PRORP: variants seen among roughly 807,000 people sequenced by gnomAD.
PRORP encodes protein only RNase P catalytic subunit, also known as mitochondrial ribonuclease P catalytic subunit.
PRORP carries 51 observed loss-of-function variants against 59.4 expected under a neutral mutation model. The observed-to-expected ratio is 0.86, with a 90% CI of 0.69 to 1.08. The LOEUF is 1.08. PRORP is among the 50% of genes least tolerant of loss of function. The pLI, the probability that PRORP is intolerant of heterozygous loss-of-function variation, is 0.00. For missense variants in PRORP, 646 were observed against 690.3 expected (o/e 0.94, Z 0.72); for synonymous variants, 231 against 245.6 (o/e 0.94, Z 0.55).
chr14:35,249,093 A>G (rs1000631697), intron 5 of PRORP, among the ~76,000 whole-genome samples: 2 of 152,190 alleles, frequency 1.3e-5, no homozygotes, highest in African/African-American at 4.8e-5. Context: ...GTCTGTGGGA[A>G]ATAATTGTCA....
At chr14:35,146,422 T>C (rs77172992) in intron 4 of PRORP, among the ~76,000 whole-genome samples, 2,195 of 151,930 alleles carry the variant, frequency 0.014, 66 homozygotes, top group African/African-American at 0.051. Context: ...TAAGAACTTA[T>C]CTAATTTAGG....
intron 5 of PRORP, among the ~76,000 whole-genome samples, chr14:35,221,551 C>T (rs75424313): frequency 0.01 from 1,541 of 152,134 alleles, 28 homozygotes; most frequent in African/African-American, 0.035. Context: ...GTGCCAAAAA[C>T]GAGTGCCTTA....
chr14:35,205,616 C>G (rs2049273273), intron 5 of PRORP, among the ~76,000 whole-genome samples: 1 of 147,058 alleles, frequency 6.8e-6, no homozygotes, highest in South Asian at 2.1e-4. Flanking sequence ...CCCACCATAC[C>G]CAGTGATATC....
chr14:35,122,068 C>A, upstream of PRORP: 1 of 1,159,166 alleles, frequency 8.6e-7, no homozygotes, highest in East Asian at 2.4e-5. Flanking sequence ...GAAGGCCGTC[C>A]AACCACCATC....
intron 5 of PRORP, among the ~76,000 whole-genome samples, chr14:35,221,151 C>A (rs1047251505): frequency 6.6e-6 from 1 of 152,130 alleles, no homozygotes; most frequent in Non-Finnish European, 1.5e-5. Flanking sequence ...TAGGGGAGAA[C>A]GCAAGGTGGT....
chr14:35,266,060 G>A (rs1388229078), intron 5 of PRORP, among the ~76,000 whole-genome samples: 1 of 151,408 alleles, frequency 6.6e-6, no homozygotes, highest in Non-Finnish European at 1.5e-5. Context: ...GCTCATGCCT[G>A]TAATCCCAGC....
intron 5 of PRORP, among the ~76,000 whole-genome samples, chr14:35,195,199 A>G (rs1595284304): frequency 6.6e-6 from 1 of 152,176 alleles, no homozygotes; most frequent in East Asian, 1.9e-4. Context: ...TACTGTATCT[A>G]TTCAAAATAT....
chr14:35,240,294 C>T (rs1037932905), intron 5 of PRORP, among the ~76,000 whole-genome samples: 118 of 109,356 alleles, frequency 1.1e-3, no homozygotes, highest in Non-Finnish European at 1.3e-3. Flanking sequence ...TTTAAACCAT[C>T]TTTTTTTTTT....
intron 4 of PRORP, among the ~76,000 whole-genome samples, chr14:35,171,329 T>G (rs1268446079): frequency 1.3e-5 from 2 of 152,196 alleles, no homozygotes; most frequent in Non-Finnish European, 2.9e-5. Flanking sequence ...AATTATCTGT[T>G]TTCATTTACC....
upstream of PRORP, chr14:35,122,250 C>T (rs146900545): frequency 4.7e-6 from 2 of 425,858 alleles, no homozygotes; most frequent in African/African-American, 4.0e-5. Flanking sequence ...CCACGATAAG[C>T]CCGCGTTTTC....
At chr14:35,263,683 G>A (rs1007745818) in intron 5 of PRORP, among the ~76,000 whole-genome samples, 20 of 152,118 alleles carry the variant, frequency 1.3e-4, no homozygotes, top group African/African-American at 4.8e-4. Context: ...GCAAGACTCT[G>A]TCTCAAAAAA....
At chr14:35,209,640 G>A (rs1248554417) in intron 5 of PRORP, among the ~76,000 whole-genome samples, 1 of 152,066 alleles carries the variant, frequency 6.6e-6, no homozygotes, top group African/African-American at 2.4e-5. Flanking sequence ...AGGTTCAAGC[G>A]ATTCTCCTGC....
intron 5 of PRORP, among the ~76,000 whole-genome samples, chr14:35,207,897 A>G (rs547737011): frequency 1.4e-4 from 22 of 152,338 alleles, no homozygotes; most frequent in Non-Finnish European, 2.2e-4. Flanking sequence ...CACGCCTGTA[A>G]TCCCAGCACT....
chr14:35,214,542 G>A (rs574956864), intron 5 of PRORP, among the ~76,000 whole-genome samples: 2 of 152,286 alleles, frequency 1.3e-5, no homozygotes, highest in African/African-American at 4.8e-5. Flanking sequence ...AAGCAGCAGG[G>A]CAAGAATGGA....
chr14:35,175,065 C>T (rs2048413219), intron 4 of PRORP, among the ~76,000 whole-genome samples: 1 of 151,958 alleles, frequency 6.6e-6, no homozygotes, highest in Non-Finnish European at 1.5e-5. Flanking sequence ...TTACAAAGGA[C>T]ATGAACTCAT....
intron 5 of PRORP, among the ~76,000 whole-genome samples, chr14:35,183,409 A>G (rs745713857): frequency 6.6e-6 from 1 of 152,142 alleles, no homozygotes; most frequent in Non-Finnish European, 1.5e-5. Flanking sequence ...AAAAAAGTTA[A>G]AAAGCATTCT....
intron 5 of PRORP, among the ~76,000 whole-genome samples, chr14:35,208,295 G>T (rs2049347135): frequency 6.6e-6 from 1 of 152,096 alleles, no homozygotes; most frequent in African/African-American, 2.4e-5. Context: ...TGTGGTTTTA[G>T]CTGGGCATAG....
intron 4 of PRORP, among the ~76,000 whole-genome samples, chr14:35,130,036 T>TG (rs1013915443): frequency 2.8e-5 from 4 of 143,398 alleles, no homozygotes; most frequent in African/African-American, 1.1e-4. Context: ...CTTTCTTTTT[T>TG]TTTTTTTTTT....
At chr14:35,186,195 C>T (rs1015163822) in intron 5 of PRORP, among the ~76,000 whole-genome samples, 15 of 149,580 alleles carry the variant, frequency 1.0e-4, no homozygotes, top group African/African-American at 3.2e-4. Flanking sequence ...TCATGTTGCC[C>T]GGGCTGGTCT....
Sources: allele counts gnomAD v4.1 joint callset (sites outside exome capture counted in the v4.1 genomes callset), GRCh38; gene constraint gnomAD v4.1.1; transcripts MANE v1.5; gene names NCBI Gene and HGNC (gene_info 2026-07-23, HGNC 2026-07-21).